SNX29: variants seen among roughly 807,000 people sequenced by gnomAD.
SNX29 encodes the protein sorting nexin-29.
In SNX29, 78 loss-of-function variants were observed where a neutral mutation model predicts 102.1. The ratio of observed to expected loss-of-function variants is 0.76; its 90% CI spans 0.64 to 0.92. The LOEUF (loss-of-function observed/expected upper bound fraction) is 0.92, where lower values mean the gene tolerates loss of function less well. SNX29 is among the 40% of genes least tolerant of loss of function. The pLI, the probability that SNX29 is intolerant of heterozygous loss-of-function variation, is 0.00. For missense variants in SNX29, 1,280 were observed against 1,061.7 expected, an observed-to-expected ratio of 1.21 and a Z score of -2.86; for synonymous variants, 580 against 414.5, an observed-to-expected ratio of 1.40 and a Z score of -4.85.
intron 19 of SNX29, among the ~76,000 whole-genome samples, chr16:12,511,643 T>C (rs1337649299): frequency 6.6e-6 from 1 of 152,106 alleles, no homozygotes; most frequent in African/African-American, 2.4e-5. Context: ...CGCGATCAGG[T>C]TTTATTTTCT....
At chr16:12,554,297 T>TGAGGTTTCAGTTTTAAC (rs1165943416) in intron 20 of SNX29, among the ~76,000 whole-genome samples, 3 of 152,234 alleles carry the variant, frequency 2.0e-5, no homozygotes, top group Non-Finnish European at 4.4e-5. Context: ...TTGCTTCATA[T>TGAGGTTTCAGTTTTAAC]GAGGTTTCAG....
intron 16 of SNX29, among the ~76,000 whole-genome samples, chr16:12,378,865 T>A (rs769685929): frequency 6.6e-6 from 1 of 152,168 alleles, no homozygotes; most frequent in Non-Finnish European, 1.5e-5. Context: ...TCAGGCTGTT[T>A]AGACTCAAGA....
rs970822629 is a variant in SNX29 at position 12,570,874 on chromosome 16, TATAA to T, written c.*2246_*2249del. 2 of 231,800 alleles carry T rather than the reference TATAA, an allele frequency of 8.6e-6. No homozygotes were observed. Among genetic ancestry groups the T allele is most frequent in the African/African-American group, 4.4e-5 (2 of 45,260 alleles). The allele number at this position is 231,800 out of a possible 1,614,324, so 14.4% of individuals were successfully genotyped here. The stretch of plus-strand genomic sequence containing the variant: ...GGTGGGAGAAACTGCCTCCTACTTT[TATAA>T]TACTGAATTATTCACAAAAAACCTG... On this transcript the variant is annotated 3_prime_UTR_variant, in exon 21 of 21. Coordinates refer to ENST00000566228, the MANE Select transcript of SNX29 (RefSeq NM_032167.5).
chr16:12,434,420 G>C (rs1476957881), intron 18 of SNX29, among the ~76,000 whole-genome samples: 2 of 152,166 alleles, frequency 1.3e-5, no homozygotes, highest in Non-Finnish European at 2.9e-5. Context: ...TGTTTGGTGG[G>C]GTGGGAGGCA....
rs376804586 is a variant in SNX29, at chr16:12,356,238, G to A, written c.1858G>A (p.Val620Met). Residue 620 changes from valine (V) to methionine (M), a missense_variant, in exon 16 of 21, where the codon GTG becomes ATG. Transcript: ENST00000566228. ...GGCCCTGGTAGCCAAGGAAGCCCTC[G>A]TGTCCCAGATGAGGCAGGAGCTCAT... is the stretch of plus-strand genomic sequence containing the variant. ...HRALVAKEALVSQMRQELIDL... is the reference protein window; with the variant it reads ...HRALVAKEALMSQMRQELIDL... The A allele has an allele frequency of 7.4e-6, 12 of 1,612,612 alleles. No homozygotes were observed. The highest frequency in any genetic ancestry group is 3.3e-5 in the South Asian group (3 of 90,608).
chr16:12,056,414 C>G (rs1211021715), intron 8 of SNX29, among the ~76,000 whole-genome samples: 1 of 152,212 alleles, frequency 6.6e-6, no homozygotes, highest in Non-Finnish European at 1.5e-5. Context: ...TTGACTGACC[C>G]TTCCACAGAG....
At chr16:12,280,545 G>A (rs1293002247) in intron 15 of SNX29, among the ~76,000 whole-genome samples, 1 of 151,990 alleles carries the variant, frequency 6.6e-6, no homozygotes, top group African/African-American at 2.4e-5. Flanking sequence ...TTTTTATCCC[G>A]GGAGCAGTAG....
intron 18 of SNX29, among the ~76,000 whole-genome samples, chr16:12,461,383 G>A (rs1033458011): frequency 2.0e-5 from 3 of 152,178 alleles, no homozygotes; most frequent in Admixed American, 2.0e-4. Context: ...ACTGTGACGA[G>A]GGGTAGAGGC....
intron 16 of SNX29, among the ~76,000 whole-genome samples, chr16:12,363,521 G>A (rs2082365553): frequency 6.6e-6 from 1 of 152,136 alleles, no homozygotes; most frequent in Non-Finnish European, 1.5e-5. Context: ...CATAGTGCGA[G>A]GTTCTGTGAG....
chr16:12,074,191 T>G (rs534029984), intron 10 of SNX29, among the ~76,000 whole-genome samples: 72 of 152,068 alleles, frequency 4.7e-4, no homozygotes, highest in African/African-American at 1.7e-3. Flanking sequence ...TATTGTTATG[T>G]GTGAATTTGA....
chr16:12,378,970 C>T (rs924929801), intron 16 of SNX29, among the ~76,000 whole-genome samples: 11 of 152,244 alleles, frequency 7.2e-5, no homozygotes, highest in East Asian at 1.9e-4. Flanking sequence ...CCAGTTACTA[C>T]GGCCAGAAGG....
At chr16:11,993,201 C>A (rs1352452538) in intron 1 of SNX29, among the ~76,000 whole-genome samples, 1 of 133,724 alleles carries the variant, frequency 7.5e-6, no homozygotes, top group South Asian at 2.6e-4. Flanking sequence ...AAATAAATAT[C>A]TGTGTGGCCT....
At chr16:12,368,114 C>T (rs2082552209) in intron 16 of SNX29, among the ~76,000 whole-genome samples, 1 of 152,170 alleles carries the variant, frequency 6.6e-6, no homozygotes, top group Non-Finnish European at 1.5e-5. Flanking sequence ...TTTTCTGATG[C>T]ACTTGTGTGA....
rs56907816 is a variant in SNX29, at chr16:12,555,486, G to A, written c.2319-13020G>A. ...GTTGACATGTCTGAGGACGTCTTTC[G>A]TTGTGGGGAGTCACGCAGGGATTGA... On this transcript the variant is annotated intron_variant, in intron 20 of 20. Coordinates refer to ENST00000566228, the MANE Select transcript of SNX29 (RefSeq NM_032167.5). Among the ~76,000 whole-genome samples, 357 of 151,434 alleles carry A rather than the reference G, an allele frequency of 2.4e-3. 1 individual carries two copies. The highest frequency in any genetic ancestry group is 6.4e-3 in the African/African-American group (264 of 41,042).
chr16:12,559,383 C>G (rs776725361), intron 20 of SNX29, among the ~76,000 whole-genome samples: 5 of 151,348 alleles, frequency 3.3e-5, no homozygotes, highest in Admixed American at 6.6e-5. Context: ...ATCTCTCACC[C>G]TCTCCCATCG....
intron 14 of SNX29, among the ~76,000 whole-genome samples, chr16:12,259,268 A>G (rs967161079): frequency 6.6e-6 from 1 of 152,190 alleles, no homozygotes; most frequent in Non-Finnish European, 1.5e-5. Flanking sequence ...CCAGGTGTAC[A>G]TGGGAATCGT....
At chr16:12,538,965 G>GTGAT (rs1389517383) in intron 20 of SNX29, among the ~76,000 whole-genome samples, 1 of 152,216 alleles carries the variant, frequency 6.6e-6, no homozygotes, top group Non-Finnish European at 1.5e-5. Context: ...GCTAAGGCAA[G>GTGAT]TGATATAAAT....
intron 20 of SNX29, chr16:12,546,257 G>A (rs117073061): frequency 0.016 from 2,431 of 152,278 alleles, 68 homozygotes; most frequent in South Asian, 0.12. Context: ...TCGACCCTTC[G>A]TACAACTGTA....
At chr16:12,308,330 G>C (rs1454641623) in intron 15 of SNX29, among the ~76,000 whole-genome samples, 1 of 152,204 alleles carries the variant, frequency 6.6e-6, no homozygotes, top group East Asian at 1.9e-4. Flanking sequence ...GTCCAGTAAT[G>C]TGAACGTTTC....
Sources: allele counts gnomAD v4.1 joint callset (sites outside exome capture counted in the v4.1 genomes callset), GRCh38; gene constraint gnomAD v4.1.1; transcripts MANE v1.5; gene names NCBI Gene and HGNC (gene_info 2026-07-23, HGNC 2026-07-21).